The following LYPD6B variants were observed in gnomAD, a reference collection of about 807,000 sequenced individuals.
The protein encoded by LYPD6B is LY6/PLAUR domain containing 6B.
A neutral mutation model predicts 22.8 loss-of-function variants in LYPD6B; 17 were observed. The ratio of observed to expected loss-of-function variants is 0.75; its 90% CI spans 0.51 to 1.12. LYPD6B has a LOEUF of 1.12. Among genes scored for constraint, LYPD6B ranks in the 50% most tolerant of loss-of-function variants. The pLI is 0.00. For missense variants in LYPD6B, 221 were observed against 258.3 expected (o/e 0.86, Z 0.99); for synonymous variants, 106 against 91.6 (o/e 1.16, Z -0.90).
chr2:149,061,609 T>C (rs571261095), intron 1 of LYPD6B, among the ~76,000 whole-genome samples: 16 of 152,134 alleles, frequency 1.1e-4, no homozygotes, highest in Admixed American at 6.6e-4. Context: ...TTCTCCTGGA[T>C]TCCCCGGGGC....
At chr2:149,169,628 AATCTC>A (rs1690683404) in intron 3 of LYPD6B, among the ~76,000 whole-genome samples, 1 of 149,978 alleles carries the variant, frequency 6.7e-6, no homozygotes. Context: ...TGAAGTTACA[AATCTC>A]TTCTCTTCCA....
Position 149,212,947 on chromosome 2 carries a change from A to C in LYPD6B, c.329-45A>C, listed in dbSNP as rs201507817. The C allele has an allele frequency of 7.8e-5, 124 of 1,592,066 alleles. 1 individual carries two copies. The African/African-American group carries it at 1.4e-3, about 18-fold the overall frequency. On this transcript the variant is annotated intron_variant, in intron 5 of 6. Coordinates refer to ENST00000409642, the MANE Select transcript of LYPD6B (RefSeq NM_177964.5). Reference sequence around the variant, plus strand: ...ATCTCTTTTGTAATATGGATATTGAAATTACCTTGTTTCTTGGTTTTGTTT... The same window carrying C: ...ATCTCTTTTGTAATATGGATATTGACATTACCTTGTTTCTTGGTTTTGTTT...
At chr2:149,118,577 C>G (rs984706598) in intron 1 of LYPD6B, among the ~76,000 whole-genome samples, 7 of 152,150 alleles carry the variant, frequency 4.6e-5, no homozygotes, top group African/African-American at 1.7e-4. Context: ...GAAAACAAAT[C>G]AGAGGGAGGC....
intron 1 of LYPD6B, among the ~76,000 whole-genome samples, chr2:149,097,549 CG>C (rs1685962231): frequency 6.6e-6 from 1 of 152,258 alleles, no homozygotes; most frequent in Non-Finnish European, 1.5e-5. Context: ...GAGTCACCTC[CG>C]TTGGGGGCTG....
At chr2:149,140,138 G>A (rs1688601092) in intron 2 of LYPD6B, among the ~76,000 whole-genome samples, 1 of 152,204 alleles carries the variant, frequency 6.6e-6, no homozygotes, top group African/African-American at 2.4e-5. Context: ...CCATGTGCAT[G>A]TGGGAGGGAT....
At chr2:149,130,801 C>A (rs917822147) in intron 1 of LYPD6B, 82 bp from the exon 2 acceptor site, 3 of 672,966 alleles carry the variant, frequency 4.5e-6, no homozygotes, top group Non-Finnish European at 7.9e-6. Flanking sequence ...CAGCCTAAAA[C>A]CCCCTACTTA....
intron 1 of LYPD6B, among the ~76,000 whole-genome samples, chr2:149,086,320 G>T (rs1425171351): frequency 6.6e-6 from 1 of 152,188 alleles, no homozygotes; most frequent in Non-Finnish European, 1.5e-5. Flanking sequence ...GGAGAAGAGT[G>T]GGCTGGTCTT....
At chr2:149,113,981 T>C (rs1686882505) in intron 1 of LYPD6B, among the ~76,000 whole-genome samples, 1 of 152,196 alleles carries the variant, frequency 6.6e-6, no homozygotes, top group South Asian at 2.1e-4. Flanking sequence ...ACTGTTAGAT[T>C]TGGGTATGTG....
chr2:149,207,523 GA>G (rs899124463), intron 4 of LYPD6B, among the ~76,000 whole-genome samples: 17 of 143,688 alleles, frequency 1.2e-4, no homozygotes, highest in African/African-American at 2.0e-4. Context: ...AAGGCCAAAA[GA>G]AAAAAAAAAG....
At chr2:149,099,579 G>A (rs534826786) in intron 1 of LYPD6B, among the ~76,000 whole-genome samples, 153 of 152,204 alleles carry the variant, frequency 1.0e-3, no homozygotes, top group Middle Eastern at 3.4e-3. Context: ...CACATTCTCT[G>A]TATAATGAAG....
intron 1 of LYPD6B, among the ~76,000 whole-genome samples, chr2:149,108,763 C>T (rs1686619940): frequency 6.6e-6 from 1 of 151,946 alleles, no homozygotes; most frequent in Non-Finnish European, 1.5e-5. Flanking sequence ...TTCTTTGTTC[C>T]CCTTTCCTTA....
chr2:149,127,013 A>G (rs1184496777), intron 1 of LYPD6B, among the ~76,000 whole-genome samples: 2 of 148,474 alleles, frequency 1.3e-5, no homozygotes, highest in Admixed American at 1.3e-4. Flanking sequence ...CCGTCCATTG[A>G]GTTTTCAGTT....
rs147565813 is a variant in LYPD6B at position 149,183,847 on chromosome 2, A to G, written c.78-21406A>G. ...TACATATACATATATGTGTATGTGT[A>G]TGTGTGTGTGTGTGTGTATATATAT... On this transcript the variant is annotated intron_variant, in intron 3 of 6. Coordinates refer to ENST00000409642, the MANE Select transcript of LYPD6B (RefSeq NM_177964.5). Among the ~76,000 whole-genome samples the G allele has an allele frequency of 8.1e-3, 1,140 of 140,038 alleles. 7 individuals carry two copies. The highest frequency in any genetic ancestry group is 0.012 in the Non-Finnish European group (778 of 63,138). 91.9% of individuals were successfully genotyped at this position (140,038 alleles called of 152,430 possible). A position where few individuals can be genotyped will look rare whatever the true frequency, so the allele number is the denominator to read the frequency against.
At chr2:149,210,316 T>C (rs1422314921) in intron 5 of LYPD6B, among the ~76,000 whole-genome samples, 1 of 150,480 alleles carries the variant, frequency 6.6e-6, no homozygotes. Context: ...ACATCAGAGA[T>C]GGGAAGGGTG....
At chr2:149,064,713 G>A (rs571149333) in intron 1 of LYPD6B, among the ~76,000 whole-genome samples, 1 of 152,336 alleles carries the variant, frequency 6.6e-6, no homozygotes, top group East Asian at 1.9e-4. Flanking sequence ...GGCAGGAAAT[G>A]ACAGCACTGG....
At chr2:149,066,226 T>A (rs2105338506) in intron 1 of LYPD6B, among the ~76,000 whole-genome samples, 1 of 152,234 alleles carries the variant, frequency 6.6e-6, no homozygotes, top group East Asian at 1.9e-4. Context: ...GTGCACAACG[T>A]ACAGGTTTGT....
At chr2:149,114,062 G>A (rs1259806765) in intron 1 of LYPD6B, among the ~76,000 whole-genome samples, 1 of 152,166 alleles carries the variant, frequency 6.6e-6, no homozygotes, top group Non-Finnish European at 1.5e-5. Flanking sequence ...GCAAAGGGAA[G>A]GGAATCTGTG....
intron 1 of LYPD6B, among the ~76,000 whole-genome samples, chr2:149,073,240 C>T (rs150632908): frequency 1.3e-5 from 2 of 152,146 alleles, no homozygotes; most frequent in Non-Finnish European, 2.9e-5. Flanking sequence ...CAGGCCCAGC[C>T]CAGTATATCT....
chr2:149,182,472 T>G (rs1691807066), intron 3 of LYPD6B, among the ~76,000 whole-genome samples: 1 of 152,178 alleles, frequency 6.6e-6, no homozygotes, highest in African/African-American at 2.4e-5. Context: ...ATACTTGAAG[T>G]TTTGGCAATC....
Sources: gnomAD v4.1 joint callset for allele counts (sites outside exome capture counted in the v4.1 genomes callset) on GRCh38, gnomAD v4.1.1 for gene constraint, MANE v1.5 for transcripts, NCBI Gene and HGNC (gene_info 2026-07-23, HGNC 2026-07-21) for gene names.